Variants in DIMT1 observed in about 807,000 individuals in gnomAD.
DIMT1 encodes dimethyladenosine transferase.
DIMT1 carries 36 observed loss-of-function variants against 43.2 expected under a neutral mutation model. That is an observed-to-expected ratio of 0.83 (90% CI 0.64 to 1.10). The LOEUF (loss-of-function observed/expected upper bound fraction) is 1.10, where lower values mean the gene tolerates loss of function less well. DIMT1 is among the 50% of genes least tolerant of loss of function. DIMT1 has a pLI of 0.00. For synonymous variants in DIMT1, 126 were observed against 130.3 expected, an observed-to-expected ratio of 0.97 and a Z score of 0.22; for missense variants, 341 against 385.3, an observed-to-expected ratio of 0.88 and a Z score of 0.96.
intron 3 of DIMT1, among the ~76,000 whole-genome samples, chr5:62,399,853 C>T (rs528492726): frequency 6.6e-6 from 1 of 152,062 alleles, no homozygotes; most frequent in South Asian, 2.1e-4. Flanking sequence ...TTGCAGTGAG[C>T]CGAGATCGCG....
intron 4 of DIMT1, 40 bp from the exon 5 acceptor site, chr5:62,398,779 A>G: frequency 1.2e-6 from 2 of 1,614,006 alleles, no homozygotes; most frequent in Non-Finnish European, 8.5e-7. Context: ...ATGTTGTTTC[A>G]TGAGATTGAA....
rs768625105 is a variant in DIMT1 at position 62,389,042 on chromosome 5, C to T, written c.910G>A (p.Gly304Arg). 1.2e-6 allele frequency: 2 copies of T among 1,606,148 alleles called. No individual in the cohort carries two copies. Among genetic ancestry groups the T allele is most frequent in the East Asian group, 4.5e-5 (2 of 44,680 alleles). ...DIDDFIRLLHGFNAEGIHFS is the reference protein window; with the variant it reads ...DIDDFIRLLHRFNAEGIHFS ...AAATGAATACCTTCTGCGTTGAATC[C>T]ATGTAGCAATCTGAAAAAAGAAATC... Residue 304 changes from glycine to arginine, a missense_variant, in exon 12 of 12, where the codon GGA becomes AGA. Gly to Arg is a moderately radical substitution (Grantham distance 125, BLOSUM62 -2). Transcript: ENST00000199320.
At chr5:62,403,195 A>C in intron 2 of DIMT1, 78 bp downstream of exon 2, 1 of 1,295,014 alleles carries the variant, frequency 7.7e-7, no homozygotes, top group Non-Finnish European at 1.1e-6. Context: ...TACGGCAGGC[A>C]GACTTTCTGC....
chr5:62,392,351 A>T, intron 9 of DIMT1, 117 bp from the exon 10 acceptor site: 1 of 762,722 alleles, frequency 1.3e-6, no homozygotes, highest in Non-Finnish European at 2.2e-6. Context: ...TTCATTTTAG[A>T]TGAAATTAAA....
chr5:62,398,335 C>T (rs1742572776), intron 6 of DIMT1, 176 bp downstream of exon 6: 1 of 629,890 alleles, frequency 1.6e-6, no homozygotes, highest in Non-Finnish European at 2.8e-6. Flanking sequence ...ACTTCCAGCA[C>T]ACTACCCCCA....
intron 6 of DIMT1, among the ~76,000 whole-genome samples, chr5:62,395,097 T>A (rs1742437483): frequency 6.6e-6 from 1 of 151,374 alleles, no homozygotes; most frequent in Non-Finnish European, 1.5e-5. Context: ...CAATCTCGGC[T>A]CACTACAACT....
intron 6 of DIMT1, among the ~76,000 whole-genome samples, chr5:62,394,986 G>C (rs922073036): frequency 6.6e-6 from 1 of 151,596 alleles, no homozygotes; most frequent in African/African-American, 2.4e-5. Flanking sequence ...AGATTGTGAC[G>C]TTCAATGTTT....
In DIMT1 at chr5:62,398,611, G is replaced by C. The variant is rs756850705; in HGVS notation, c.396+35C>G. The C allele has an allele frequency of 4.3e-6, 7 of 1,612,444 alleles. No individual in the cohort carries two copies. The Admixed American group carries it at 1.2e-4, about 27-fold the overall frequency. ...CCGGGAAAGACACATCAGAGGAACA[G>C]TTAGTATGATGTTCCTGAAAATGTG... is the stretch of plus-strand genomic sequence containing the variant. On this transcript the variant is annotated intron_variant, in intron 5 of 11. Transcript: ENST00000199320.
chr5:62,389,075 A>T, intron 11 of DIMT1, 23 bp from the exon 12 acceptor site: 1 of 1,605,998 alleles, frequency 6.2e-7, no homozygotes, highest in Non-Finnish European at 8.5e-7. Context: ...ATCAAAATGG[A>T]ATGGTACTGA....
intron 9 of DIMT1, 111 bp from the exon 10 acceptor site, chr5:62,392,345 T>C: frequency 1.2e-6 from 1 of 807,970 alleles, no homozygotes; most frequent in Non-Finnish European, 2.0e-6. Context: ...AATAATTTCA[T>C]TTTAGATGAA....
Position 62,389,041 on chromosome 5 carries a change from C to A in DIMT1, c.911G>T (p.Gly304Val), listed in dbSNP as rs749208375. The change falls in exon 12 of 12, where the codon GGA becomes GTA. Residue 304 changes from glycine (G) to valine (V), a missense_variant. Gly to Val is a moderately radical substitution (Grantham distance 109, BLOSUM62 -3). Transcript: ENST00000199320. ...DIDDFIRLLH[G>V]FNAEGIHFS ...AAAATGAATACCTTCTGCGTTGAATCCATGTAGCAATCTGAAAAAAGAAAT... is the reference window on the plus strand; with the variant it reads ...AAAATGAATACCTTCTGCGTTGAATACATGTAGCAATCTGAAAAAAGAAAT... The A allele has an allele frequency of 6.2e-7, 1 of 1,606,596 alleles. No individual in the cohort carries two copies. The highest frequency in any genetic ancestry group is 1.7e-5 in the Admixed American group (1 of 58,528).
intron 9 of DIMT1, 36 bp from the exon 10 acceptor site, chr5:62,392,270 CCAAAGT>C: frequency 6.4e-7 from 1 of 1,573,364 alleles, no homozygotes; most frequent in Non-Finnish European, 8.7e-7. Flanking sequence ...TGTTATTATT[CCAAAGT>C]CAGAGTAATT....
intron 6 of DIMT1, among the ~76,000 whole-genome samples, chr5:62,397,366 G>T (rs1016810617): frequency 1.1e-4 from 16 of 152,134 alleles, no homozygotes; most frequent in Middle Eastern, 3.2e-3. Context: ...AGAAAAGAGG[G>T]TATGACAGTT....
chr5:62,401,580 CTT>C (rs1156327743), intron 3 of DIMT1, among the ~76,000 whole-genome samples: 30 of 104,396 alleles, frequency 2.9e-4, no homozygotes, highest in Middle Eastern at 6.0e-3. Context: ...TCATATTTTC[CTT>C]TTTTTTTTTT....
intron 11 of DIMT1, among the ~76,000 whole-genome samples, chr5:62,390,082 A>G (rs1742233893): frequency 6.6e-6 from 1 of 152,250 alleles, no homozygotes; most frequent in Non-Finnish European, 1.5e-5. Flanking sequence ...TTTCCAGCTT[A>G]GAAAAAGTCA....
chr5:62,392,889 TG>T, intron 9 of DIMT1, 36 bp downstream of exon 9: 1 of 1,425,532 alleles, frequency 7.0e-7, no homozygotes, highest in Non-Finnish European at 9.9e-7. Flanking sequence ...TCTGGAGCAC[TG>T]GCCCTTTATA....
In DIMT1 at chr5:62,389,043, A is replaced by G; in HGVS notation, c.909T>C (p.His303=). ...AATGAATACCTTCTGCGTTGAATCC[A>G]TGTAGCAATCTGAAAAAAGAAATCA... ...MDIDDFIRLL[H]GFNAEGIHFS is the part of the protein sequence containing the mutation. The change falls in exon 12 of 12, where the codon CAT becomes CAC. Residue 303 remains histidine (H), a synonymous_variant. Coordinates refer to ENST00000199320, the MANE Select transcript of DIMT1 (RefSeq NM_014473.4). 6.2e-7 allele frequency: 1 copy of G among 1,606,000 alleles called. No individual in the cohort carries two copies. Among genetic ancestry groups the G allele is most frequent in the Non-Finnish European group, 8.5e-7 (1 of 1,177,054 alleles).
intron 3 of DIMT1, among the ~76,000 whole-genome samples, chr5:62,401,743 C>T (rs1465470469): frequency 3.3e-5 from 5 of 151,420 alleles, no homozygotes; most frequent in Admixed American, 1.3e-4. Flanking sequence ...CCACCACACT[C>T]GGCTAATTTT....
chr5:62,392,298 T>A (rs1387392054), intron 9 of DIMT1, 64 bp from the exon 10 acceptor site: 5 of 1,457,880 alleles, frequency 3.4e-6, no homozygotes, highest in Admixed American at 4.0e-5. Context: ...CTTACTTTTT[T>A]AAACTTTTTT....
Sources: gnomAD v4.1 joint callset for allele counts (sites outside exome capture counted in the v4.1 genomes callset) on GRCh38, gnomAD v4.1.1 for gene constraint, MANE v1.5 for transcripts, NCBI Gene and HGNC (gene_info 2026-07-23, HGNC 2026-07-21) for gene names.